Variants in TTC17 observed in about 807,000 individuals in gnomAD.
TTC17 encodes the protein tetratricopeptide repeat protein 17.
Under a neutral mutation model 143.8 loss-of-function variants are expected in TTC17, and 58 were observed. That is an observed-to-expected ratio of 0.40 (90% CI 0.33 to 0.50). TTC17 has a LOEUF of 0.50. Among genes scored for constraint, TTC17 ranks in the 20% least tolerant of loss-of-function variants. TTC17 has a pLI of 0.49. For synonymous variants in TTC17, 501 were observed against 497.8 expected (o/e 1.01, Z -0.09); for missense variants, 1,273 against 1,392.5 (o/e 0.91, Z 1.37).
intron 1 of TTC17, among the ~76,000 whole-genome samples, chr11:43,361,391 TA>T (rs1408539841): frequency 2.1e-4 from 32 of 152,236 alleles, no homozygotes; most frequent in African/African-American, 7.5e-4. Context: ...AAACTCATTG[TA>T]AGTCGAAAAT....
intron 2 of TTC17, among the ~76,000 whole-genome samples, chr11:43,388,051 A>G (rs940279293): frequency 6.6e-6 from 1 of 152,202 alleles, no homozygotes; most frequent in Non-Finnish European, 1.5e-5. Context: ...ATAAAACTGA[A>G]AATGTGCATC....
At position 43,494,037 on chromosome 11, in the gene TTC17, C is replaced by T. The variant is rs1457760827; in HGVS notation, c.*133C>T. On this transcript the variant is annotated 3_prime_UTR_variant, in exon 24 of 24. Coordinates refer to ENST00000039989, the MANE Select transcript of TTC17 (RefSeq NM_018259.6). ...ACTAAGACTTATAACAGGACTTTTA[C>T]ATATGTGGGAATTGGTTTGTTTTTG... is the stretch of plus-strand genomic sequence containing the variant. 31 of 1,273,070 alleles carry T rather than the reference C, an allele frequency of 2.4e-5. No individual in the cohort carries two copies. Among genetic ancestry groups the T allele is most frequent in the Non-Finnish European group, 3.0e-5 (29 of 953,122 alleles). 78.9% of individuals were successfully genotyped at this position (1,273,070 alleles called of 1,614,324 possible).
At chr11:43,423,058 C>G (rs974796687) in intron 16 of TTC17, among the ~76,000 whole-genome samples, 3 of 152,058 alleles carry the variant, frequency 2.0e-5, no homozygotes, top group African/African-American at 7.2e-5. Flanking sequence ...AAGAGTAGTC[C>G]TTAGGAACAA....
Position 43,422,520 on chromosome 11 carries a change from C to G in TTC17, c.2251+7744C>G, listed in dbSNP as rs150228192. Among the ~76,000 whole-genome samples, 75 of 152,166 alleles carry G rather than the reference C, an allele frequency of 4.9e-4. No homozygotes were observed. The East Asian group carries it at 0.014, about 27-fold the overall frequency. ...AGGAAAATGGGTCAAAAATCAGTTA[C>G]TAGGGTATTCTAGCCAACATTTAAA... On this transcript the variant is annotated intron_variant, in intron 16 of 23. Coordinates refer to ENST00000039989, the MANE Select transcript of TTC17 (RefSeq NM_018259.6).
At chr11:43,477,192 A>G (rs1948200579) in intron 21 of TTC17, among the ~76,000 whole-genome samples, 1 of 152,180 alleles carries the variant, frequency 6.6e-6, no homozygotes, top group Admixed American at 6.5e-5. Context: ...CCTCAGCCTG[A>G]ATTTTATTGT....
Position 43,490,350 on chromosome 11 carries a change from C to A in TTC17, c.3142C>A (p.Gln1048Lys). The A allele has an allele frequency of 6.2e-7, 1 of 1,601,330 alleles. No individual in the cohort carries two copies. The highest frequency in any genetic ancestry group is 8.5e-7 in the Non-Finnish European group (1 of 1,171,622). Residue 1048 changes from glutamine (Q) to lysine (K), a missense_variant, in exon 22 of 24, where the codon CAG (glutamine) becomes AAG (lysine). Around this residue, in one of 3 missense-constraint regions of TTC17, gnomAD observed 878 missense variants for 899.8 expected, o/e 0.98. Coordinates refer to ENST00000039989, the MANE Select transcript of TTC17 (RefSeq NM_018259.6). The stretch of plus-strand genomic sequence containing the variant: ...CCAGGCTCTGCACTATGCGCCACAC[C>A]AGATGAAGGTGAGTGGGACTCAGAA... ...LRQALHYAPHQMKDVPLISLA... is the reference protein window; with the variant it reads ...LRQALHYAPHKMKDVPLISLA...
chr11:43,387,291 T>A (rs1857205319), intron 2 of TTC17, among the ~76,000 whole-genome samples: 1 of 152,188 alleles, frequency 6.6e-6, no homozygotes, highest in South Asian at 2.1e-4. Context: ...TCAGTGCTGT[T>A]CTCATGAAGG....
intron 16 of TTC17, 37 bp from the exon 17 acceptor site, chr11:43,443,288 T>C (rs1947462631): frequency 6.2e-7 from 1 of 1,607,668 alleles, no homozygotes; most frequent in Non-Finnish European, 8.5e-7. Context: ...ATGAGTACTG[T>C]GTACCTTTTA....
At chr11:43,430,004 C>G (rs1372946568) in intron 16 of TTC17, among the ~76,000 whole-genome samples, 1 of 152,180 alleles carries the variant, frequency 6.6e-6, no homozygotes, top group East Asian at 1.9e-4. Context: ...TGAATTATAG[C>G]TCCTATTACA....
chr11:43,483,739 A>C (rs906410004), intron 21 of TTC17, among the ~76,000 whole-genome samples: 3 of 152,224 alleles, frequency 2.0e-5, no homozygotes, highest in African/African-American at 7.2e-5. Context: ...GATGATTCTT[A>C]CTGAGGAAAT....
At chr11:43,421,195 TTTGAACATAAGAC>T (rs1475393728) in intron 16 of TTC17, among the ~76,000 whole-genome samples, 3 of 152,070 alleles carry the variant, frequency 2.0e-5, no homozygotes, top group Non-Finnish European at 2.9e-5. Context: ...GAAAGTGACA[TTTGAACATAAGAC>T]TTGAGGAAGG....
At chr11:43,465,287 A>G (rs1049209522) in intron 21 of TTC17, among the ~76,000 whole-genome samples, 2 of 152,226 alleles carry the variant, frequency 1.3e-5, no homozygotes, top group Admixed American at 6.5e-5. Context: ...TGGAGGTTCT[A>G]CAACTTCTTA....
chr11:43,359,769 C>T (rs2134417674), intron 1 of TTC17, among the ~76,000 whole-genome samples: 1 of 152,336 alleles, frequency 6.6e-6, no homozygotes, highest in Admixed American at 6.5e-5. Flanking sequence ...GCCCTCGTTT[C>T]CCAGTGCACT....
At chr11:43,384,964 A>G (rs991476113) in intron 2 of TTC17, among the ~76,000 whole-genome samples, 10 of 152,220 alleles carry the variant, frequency 6.6e-5, no homozygotes, top group African/African-American at 2.4e-4. Flanking sequence ...TAATAGACAG[A>G]TACTACTTGC....
intron 1 of TTC17, among the ~76,000 whole-genome samples, chr11:43,373,676 A>G (rs1363274906): frequency 6.6e-6 from 1 of 152,224 alleles, no homozygotes; most frequent in Non-Finnish European, 1.5e-5. Context: ...CAGAGTGAGT[A>G]CGAATTTATA....
At chr11:43,384,412 C>G (rs1857095961) in intron 2 of TTC17, among the ~76,000 whole-genome samples, 1 of 152,142 alleles carries the variant, frequency 6.6e-6, no homozygotes, top group Admixed American at 6.5e-5. Flanking sequence ...TCCCAGCACT[C>G]TGGGGGGTCG....
At chr11:43,451,403 T>G (rs1947655333) in intron 21 of TTC17, 138 bp downstream of exon 21, 1 of 705,302 alleles carries the variant, frequency 1.4e-6, no homozygotes, top group Admixed American at 2.4e-5. Flanking sequence ...GTGAAATAAC[T>G]CCCCTCAGAA....
At chr11:43,393,449 C>G (rs1338012741) in intron 5 of TTC17, among the ~76,000 whole-genome samples, 1 of 152,190 alleles carries the variant, frequency 6.6e-6, no homozygotes, top group African/African-American at 2.4e-5. Context: ...CATGTCCTCT[C>G]CAGAACACCA....
chr11:43,490,487 G>A (rs554413961), intron 22 of TTC17, 129 bp downstream of exon 22: 1 of 1,356,460 alleles, frequency 7.4e-7, no homozygotes, highest in Non-Finnish European at 9.7e-7. Context: ...AGAGAATGGG[G>A]CAGGAGACCT....
Sources: gnomAD v4.1 joint callset for allele counts (sites outside exome capture counted in the v4.1 genomes callset) on GRCh38, gnomAD v4.1.1 for gene constraint, gnomAD v4.1.1 regional missense constraint, MANE v1.5 for transcripts, NCBI Gene and HGNC (gene_info 2026-07-23, HGNC 2026-07-21) for gene names.